The following ETAA1 variants were observed in gnomAD, a reference collection of about 807,000 sequenced individuals.
The protein encoded by ETAA1 is ETAA1 activator of ATR kinase, also known as ewing's tumor-associated antigen 1.
In ETAA1, 49 loss-of-function variants were observed where a neutral mutation model predicts 76.8. The ratio of observed to expected loss-of-function variants is 0.64; its 90% confidence interval spans 0.51 to 0.81. The LOEUF is 0.81. Ranked by LOEUF, ETAA1 falls within the 30% of genes least tolerant of loss-of-function variation. The pLI, the probability that ETAA1 is intolerant of heterozygous loss-of-function variation, is 0.00. For missense variants in ETAA1, 1,099 were observed against 1,074.0 expected (o/e 1.02, Z -0.32); for synonymous variants, 373 against 372.2 (o/e 1.00, Z -0.03).
chr2:67,403,108 G>T, intron 4 of ETAA1, 117 bp from the exon 5 acceptor site: 1 of 1,124,524 alleles, frequency 8.9e-7, no homozygotes, highest in Non-Finnish European at 1.2e-6. Flanking sequence ...TCAAATTTTG[G>T]AGTTAAAATA....
intron 1 of ETAA1, 36 bp downstream of exon 1, chr2:67,397,707 G>A: frequency 1.3e-6 from 2 of 1,533,212 alleles, no homozygotes; most frequent in Non-Finnish European, 8.8e-7. Context: ...CTTGGCTTCG[G>A]CGCCGCATCC....
chr2:67,403,227 T>TAAA lies in ETAA1; in HGVS notation c.548_550dup (p.Lys183dup). 1 of 1,542,024 alleles carries TAAA rather than the reference T, an allele frequency of 6.5e-7. No individual in the cohort carries two copies. The highest frequency in any genetic ancestry group is 2.1e-5 in the Admixed American group (1 of 47,228). Reference sequence around the variant, plus strand: ...TATTTTTTAATCTTGTTTAATAGGTTAAAAACACAAAGTCAAGAAGAAGAA... The same window carrying TAAA: ...TATTTTTTAATCTTGTTTAATAGGTTAAAAAAAACACAAAGTCAAGAAGAAGAA... On this transcript the variant is annotated inframe_insertion, in exon 5 of 6. Coordinates refer to ENST00000272342, the MANE Select transcript of ETAA1 (RefSeq NM_019002.4).
intron 5 of ETAA1, among the ~76,000 whole-genome samples, chr2:67,407,913 T>C (rs1470309777): frequency 2.6e-5 from 4 of 152,026 alleles, no homozygotes; most frequent in Non-Finnish European, 1.5e-5. Context: ...TGAGTGGACT[T>C]GCCAGTTCAA....
At chr2:67,398,103 G>A (rs966458910) in intron 1 of ETAA1, among the ~76,000 whole-genome samples, 15 of 152,048 alleles carry the variant, frequency 9.9e-5, no homozygotes, top group Admixed American at 9.8e-4. Context: ...GTTAAAGTTT[G>A]TCTCAAAGCC....
intron 1 of ETAA1, among the ~76,000 whole-genome samples, chr2:67,397,947 A>C (rs942657257): frequency 1.3e-5 from 2 of 152,196 alleles, no homozygotes; most frequent in African/African-American, 4.8e-5. Context: ...GCTGCTTTCC[A>C]GGCTGCTCCT....
In ETAA1 at chr2:67,411,669, G is replaced by A. The variant is rs1676372683; in HGVS notation, c.*1631G>A. The A allele has an allele frequency of 6.6e-6, 1 of 152,042 alleles. No homozygotes were observed. Among genetic ancestry groups the A allele is most frequent in the African/African-American group, 2.4e-5 (1 of 41,422 alleles). 9.4% of individuals were successfully genotyped at this position (152,042 alleles called of 1,614,324 possible). On this transcript the variant is annotated 3_prime_UTR_variant, in exon 6 of 6. Transcript: ENST00000272342. ...TCACGTTAGAGTTGAAAAATTGTAA[G>A]TCAACCATTTTAAGTTGGAGACTGT...
chr2:67,401,692 A>G (rs1676061867), intron 3 of ETAA1: 1 of 151,952 alleles, frequency 6.6e-6, no homozygotes, highest in Non-Finnish European at 1.5e-5. Context: ...AAATTGAATG[A>G]ATTTAAAATT....
intron 1 of ETAA1, among the ~76,000 whole-genome samples, 183 bp downstream of exon 1, chr2:67,397,854 C>T (rs1454064431): frequency 6.6e-6 from 1 of 152,164 alleles, no homozygotes; most frequent in Non-Finnish European, 1.5e-5. Flanking sequence ...CCCCGAACTT[C>T]AGCACTACCC....
chr2:67,403,825 T>C lies in ETAA1; in HGVS notation c.1143T>C (p.Asp381=). The stretch of plus-strand genomic sequence containing the variant: ...CATTTACTACAAGTGATTTTGAGGA[T>C]GATTGGGAAAACTTACTAGGTAGTG... ...IDAFTTSDFE[D]DWENLLGSEP... is the part of the protein sequence containing the mutation. Residue 381 remains aspartate, a synonymous_variant, in exon 5 of 6, where the codon GAT becomes GAC. Transcript: ENST00000272342. The C allele has an allele frequency of 6.2e-7, 1 of 1,613,328 alleles. No homozygotes were observed. Among genetic ancestry groups the C allele is most frequent in the Non-Finnish European group, 8.5e-7 (1 of 1,179,482 alleles).
At position 67,403,828 on chromosome 2, in the gene ETAA1, T is replaced by C. The variant is rs753120645; in HGVS notation, c.1146T>C (p.Asp382=). The part of the protein sequence containing the change: ...DAFTTSDFED[D]WENLLGSEPF... The stretch of plus-strand genomic sequence containing the variant: ...TTACTACAAGTGATTTTGAGGATGA[T>C]TGGGAAAACTTACTAGGTAGTGAAC... The change falls in exon 5 of 6, where the codon GAT becomes GAC. Residue 382 remains aspartate (D), a synonymous_variant. Transcript: ENST00000272342. 8 of 1,613,176 alleles carry C rather than the reference T, an allele frequency of 5.0e-6. No homozygotes were observed. The highest frequency in any genetic ancestry group is 4.4e-5 in the South Asian group (4 of 91,072).
chr2:67,397,334 C>A lies in ETAA1; in HGVS notation c.-115C>A, dbSNP rs758254085. The A allele has an allele frequency of 9.4e-6, 11 of 1,167,212 alleles. No homozygotes were observed. The highest frequency in any genetic ancestry group is 1.4e-5 in the Non-Finnish European group (11 of 799,998). 72.3% of individuals were successfully genotyped at this position (1,167,212 alleles called of 1,614,324 possible). A position where few individuals can be genotyped will look rare whatever the true frequency, so the allele number is the denominator to read the frequency against. ...GCGGCCGCCTCTTGCGCGCGCCCCA[C>A]CGACCAAAATGGCGGCTGCCGTTGG... On this transcript the variant is annotated 5_prime_UTR_variant, in exon 1 of 6. Transcript: ENST00000272342.
intron 1 of ETAA1, 94 bp from the exon 2 acceptor site, chr2:67,399,074 TA>T: frequency 9.0e-7 from 1 of 1,113,830 alleles, no homozygotes; most frequent in Non-Finnish European, 1.3e-6. Context: ...TCTTGGACTA[TA>T]AAAGTTAGTC....
Position 67,411,350 on chromosome 2 carries a change from T to TA in ETAA1, c.*1313dup, listed in dbSNP as rs1362727327. On this transcript the variant is annotated 3_prime_UTR_variant, in exon 6 of 6. Coordinates refer to ENST00000272342, the MANE Select transcript of ETAA1 (RefSeq NM_019002.4). The stretch of plus-strand genomic sequence containing the variant: ...ATAGCTATACAGATACTCCTCAACT[T>TA]ACCGTGTAGTTACATCCCAATAAAC... 1 of 152,108 alleles carries TA rather than the reference T, an allele frequency of 6.6e-6. No homozygotes were observed. Among genetic ancestry groups the TA allele is most frequent in the Non-Finnish European group, 1.5e-5 (1 of 68,004 alleles). The allele number at this position is 152,108 out of a possible 1,614,324, so 9.4% of individuals were successfully genotyped here.
chr2:67,402,516 T>G lies in ETAA1; in HGVS notation c.430-346T>G, dbSNP rs1017336721. The G allele has an allele frequency of 1.9e-5, 3 of 153,890 alleles. No individual in the cohort carries two copies. In the East Asian group the frequency reaches 5.7e-4, roughly 29 times the overall value. 9.5% of individuals were successfully genotyped at this position (153,890 alleles called of 1,614,324 possible). A position where few individuals can be genotyped will look rare whatever the true frequency, so the allele number is the denominator to read the frequency against. On this transcript the variant is annotated intron_variant, in intron 3 of 5. Transcript: ENST00000272342. ...GACACTAATGTTTTTATAAGTATCTTAGGACAATTAAAATGTCAATTTTCT... is the reference window on the plus strand; with the variant it reads ...GACACTAATGTTTTTATAAGTATCTGAGGACAATTAAAATGTCAATTTTCT...
rs766887401 is a variant in ETAA1, at chr2:67,399,601, A to G, written c.404A>G (p.His135Arg). Reference protein sequence around the residue: ...IYTTDSDEISHIVNRIAPQDE... With the variant: ...IYTTDSDEISRIVNRIAPQDE... ...ACCACAGATAGTGATGAGATTTCAC[A>G]TATTGTTAATCGTATTGCTCCTCAG... The change falls in exon 3 of 6, where the codon CAT becomes CGT. Residue 135 changes from histidine to arginine, a missense_variant. Coordinates refer to ENST00000272342, the MANE Select transcript of ETAA1 (RefSeq NM_019002.4). 7 of 1,608,700 alleles carry G rather than the reference A, an allele frequency of 4.4e-6. No homozygotes were observed. The highest frequency in any genetic ancestry group is 1.1e-5 in the South Asian group (1 of 90,392).
Position 67,410,050 on chromosome 2 carries a change from T to C in ETAA1, c.*12T>C, listed in dbSNP as rs939538929. On this transcript the variant is annotated 3_prime_UTR_variant, in exon 6 of 6. Transcript: ENST00000272342. ...CTTCATTTCTTTAATGAAATATTAG[T>C]TGGAAGACTTCACGAAGACTGCTGA... 3.1e-6 allele frequency: 5 copies of C among 1,597,230 alleles called. No homozygotes were observed. The highest frequency in any genetic ancestry group is 3.6e-5 in the Admixed American group (2 of 55,012).
chr2:67,398,847 T>A (rs1675973610), intron 1 of ETAA1, among the ~76,000 whole-genome samples: 2 of 152,204 alleles, frequency 1.3e-5, no homozygotes, highest in South Asian at 4.1e-4. Flanking sequence ...AATGTACCTA[T>A]AAATTACAGA....
chr2:67,407,765 A>G (rs905046789), intron 5 of ETAA1, among the ~76,000 whole-genome samples: 7 of 152,178 alleles, frequency 4.6e-5, no homozygotes, highest in East Asian at 3.8e-4. Flanking sequence ...AATAATATTT[A>G]CTATTCATTA....
At chr2:67,409,671 T>G (rs945680034) in intron 5 of ETAA1, among the ~76,000 whole-genome samples, 1 of 151,996 alleles carries the variant, frequency 6.6e-6, no homozygotes, top group Admixed American at 6.6e-5. Context: ...AAACTGAATT[T>G]TATCACACTG....
Sources: gnomAD v4.1 joint callset for allele counts (sites outside exome capture counted in the v4.1 genomes callset) on GRCh38, gnomAD v4.1.1 for gene constraint, MANE v1.5 for transcripts, NCBI Gene and HGNC (gene_info 2026-07-23, HGNC 2026-07-21) for gene names.